USP34: variants seen among roughly 807,000 people sequenced by gnomAD.
The protein encoded by USP34 is ubiquitin specific peptidase 34.
In USP34, 70 loss-of-function variants were observed where a neutral mutation model predicts 460.3. The ratio of observed to expected loss-of-function variants is 0.15; its 90% CI spans 0.13 to 0.19. USP34 has a LOEUF of 0.19. Among genes scored for constraint, USP34 ranks in the 10% least tolerant of loss-of-function variants. The probability of loss-of-function intolerance (pLI) is 1.00; values close to 1 mark genes in which losing one functional copy is unlikely to be tolerated. For synonymous variants in USP34, 1,647 were observed against 1,405.3 expected, an observed-to-expected ratio of 1.17 and a Z score of -3.85; for missense variants, 3,985 against 4,236.2, an observed-to-expected ratio of 0.94 and a Z score of 1.65.
chr2:61,303,215 C>T (rs549201703), intron 27 of USP34, among the ~76,000 whole-genome samples: 57 of 151,900 alleles, frequency 3.8e-4, no homozygotes, highest in Middle Eastern at 6.8e-3. Context: ...TACAGGCGTG[C>T]ACCATCACAC....
In USP34 at chr2:61,362,411, A is replaced by G. The variant is rs944692324; in HGVS notation, c.1251+7910T>C. The stretch of plus-strand genomic sequence containing the variant: ...CCAAGATATGGAAAAAAAACTAAAC[A>G]TCTTTCCACAGATGAATAGACAAAA... On this transcript the variant is annotated intron_variant, in intron 10 of 79. Transcript: ENST00000398571. 2.0e-5 allele frequency among the ~76,000 whole-genome samples: 3 copies of G among 152,164 alleles called. No homozygotes were observed. The East Asian group carries it at 5.8e-4, about 29-fold the overall frequency.
At chr2:61,438,590 G>A (rs1213337200) in intron 1 of USP34, among the ~76,000 whole-genome samples, 1 of 149,362 alleles carries the variant, frequency 6.7e-6, no homozygotes, top group Non-Finnish European at 1.5e-5. Flanking sequence ...ACAAGAGTGA[G>A]ACTCCATCTC....
At chr2:61,244,689 A>C (rs560462797) in intron 51 of USP34, among the ~76,000 whole-genome samples, 4 of 152,112 alleles carry the variant, frequency 2.6e-5, no homozygotes, top group Non-Finnish European at 5.9e-5. Context: ...TCCAGTATCT[A>C]GTGTTATCCA....
rs149868479 is a variant in USP34, at chr2:61,264,091, G to A, written c.5778+1306C>T. On this transcript the variant is annotated intron_variant, in intron 43 of 79. Coordinates refer to ENST00000398571, the MANE Select transcript of USP34 (RefSeq NM_014709.4). ...TTGATAACTGCTTTTATAAGACTAC[G>A]CAGATGGGTATACCAAATTTATTCA... is the stretch of plus-strand genomic sequence containing the variant. Among the ~76,000 whole-genome samples, 544 of 152,200 alleles carry A rather than the reference G, an allele frequency of 3.6e-3. 2 individuals are homozygous for A. Among genetic ancestry groups the A allele is most frequent in the African/African-American group, 0.011 (452 of 41,528 alleles).
In USP34 at chr2:61,214,483, C is replaced by A; in HGVS notation, c.8259G>T (p.Val2753=). 4.3e-6 allele frequency: 7 copies of A among 1,613,968 alleles called. No homozygotes were observed. The highest frequency in any genetic ancestry group is 5.9e-6 in the Non-Finnish European group (7 of 1,179,978). Residue 2753 remains valine, a synonymous_variant, in exon 68 of 80, where the codon GTG becomes GTT. Transcript: ENST00000398571. Reference sequence around the variant, plus strand: ...AGTAAGTCATAAAGCTAAAATAGGGCACTAGCTTTGTAGTGCCATGAACAG... The same window carrying A: ...AGTAAGTCATAAAGCTAAAATAGGGAACTAGCTTTGTAGTGCCATGAACAG... ...DAAVHGTTKL[V]PYFSFMTYCL... is the part of the protein sequence containing the mutation.
chr2:61,333,358 C>G (rs1033670752), intron 19 of USP34, among the ~76,000 whole-genome samples: 1 of 152,102 alleles, frequency 6.6e-6, no homozygotes, highest in East Asian at 1.9e-4. Flanking sequence ...ATAACTAATC[C>G]AAAAATCCAA....
chr2:61,435,284 G>A (rs1274985713), intron 1 of USP34, among the ~76,000 whole-genome samples: 1 of 124,902 alleles, frequency 8.0e-6, no homozygotes. Context: ...ATCTAGCCTG[G>A]GCAACAGAGT....
intron 1 of USP34, among the ~76,000 whole-genome samples, chr2:61,446,476 T>C (rs1695120096): frequency 6.6e-6 from 1 of 152,170 alleles, no homozygotes; most frequent in Non-Finnish European, 1.5e-5. Flanking sequence ...ACTGAAATCA[T>C]GTAAGTACTG....
At chr2:61,442,890 GAT>G (rs1695003164) in intron 1 of USP34, among the ~76,000 whole-genome samples, 1 of 110,718 alleles carries the variant, frequency 9.0e-6, no homozygotes, top group Admixed American at 9.7e-5. Flanking sequence ...AACAAAATGT[GAT>G]GTGTGTACAC....
chr2:61,242,345 AAATGG>A (rs779730786), intron 51 of USP34, among the ~76,000 whole-genome samples: 52 of 152,258 alleles, frequency 3.4e-4, no homozygotes, highest in South Asian at 8.3e-4. Flanking sequence ...TATGCAGATG[AAATGG>A]TTTTGTCAGT....
intron 36 of USP34, 41 bp downstream of exon 36, chr2:61,283,368 A>T: frequency 1.9e-6 from 3 of 1,581,772 alleles, no homozygotes. Flanking sequence ...TATATTATTC[A>T]AGTTTTTATT....
At chr2:61,388,047 C>T (rs1489575065) in intron 5 of USP34, among the ~76,000 whole-genome samples, 3 of 151,750 alleles carry the variant, frequency 2.0e-5, no homozygotes, top group African/African-American at 7.3e-5. Context: ...ATGGAGGATG[C>T]TTGAGCTCAG....
At chr2:61,302,443 A>G (rs1376878089) in intron 27 of USP34, among the ~76,000 whole-genome samples, 2 of 152,344 alleles carry the variant, frequency 1.3e-5, no homozygotes, top group African/African-American at 2.4e-5. Context: ...CAATTTTTTT[A>G]TAAGTAAATT....
chr2:61,289,853 T>C (rs1689797585), intron 33 of USP34, among the ~76,000 whole-genome samples: 1 of 152,110 alleles, frequency 6.6e-6, no homozygotes, highest in African/African-American at 2.4e-5. Context: ...AGGAGAAAAG[T>C]CTTTGTGACC....
Position 61,420,812 on chromosome 2 carries a change from TCAC to T in USP34, c.62_64del (p.Gly21del), listed in dbSNP as rs780051820. On this transcript the variant is annotated inframe_deletion, in exon 2 of 80. Transcript: ENST00000398571. ...ATGTTCCTTTCTGAGCTGCAGTCCATCACCACCTTCTACATCTGATACTGAAAT... is the reference window on the plus strand; with the variant it reads ...ATGTTCCTTTCTGAGCTGCAGTCCATCACCTTCTACATCTGATACTGAAAT... 2 of 1,610,780 alleles carry T rather than the reference TCAC, an allele frequency of 1.2e-6. No homozygotes were observed. Among genetic ancestry groups the T allele is most frequent in the Non-Finnish European group, 1.7e-6 (2 of 1,178,390 alleles).
intron 75 of USP34, among the ~76,000 whole-genome samples, chr2:61,202,081 C>T (rs774849768): frequency 7.2e-5 from 11 of 152,190 alleles, no homozygotes; most frequent in Non-Finnish European, 1.5e-4. Context: ...GCTTTCAAAT[C>T]TAAAAATGCT....
At chr2:61,341,330 G>C (rs1691591998) in intron 16 of USP34, among the ~76,000 whole-genome samples, 1 of 152,174 alleles carries the variant, frequency 6.6e-6, no homozygotes, top group East Asian at 1.9e-4. Flanking sequence ...AAAACTGCTG[G>C]GTCATATGGT....
intron 3 of USP34, among the ~76,000 whole-genome samples, chr2:61,398,296 G>T (rs1268870431): frequency 6.6e-6 from 1 of 151,988 alleles, no homozygotes; most frequent in Non-Finnish European, 1.5e-5. Context: ...GAACTTGGGA[G>T]GTCTAGGCTG....
At chr2:61,345,047 C>T (rs1046000245) in intron 15 of USP34, among the ~76,000 whole-genome samples, 63 of 152,114 alleles carry the variant, frequency 4.1e-4, no homozygotes, top group African/African-American at 1.3e-3. Flanking sequence ...CCGAGGCAGG[C>T]GGATCATTTG....
Sources: allele counts gnomAD v4.1 joint callset (sites outside exome capture counted in the v4.1 genomes callset), GRCh38; gene constraint gnomAD v4.1.1; transcripts MANE v1.5; gene names NCBI Gene and HGNC (gene_info 2026-07-23, HGNC 2026-07-21).